DPYSL2: variants seen among roughly 807,000 people sequenced by gnomAD.
The protein encoded by DPYSL2 is dihydropyrimidinase-related protein 2.
In DPYSL2, 13 loss-of-function variants were observed where a neutral mutation model predicts 69.9. That is an observed-to-expected ratio of 0.19 (90% CI 0.12 to 0.30). The LOEUF (loss-of-function observed/expected upper bound fraction) is 0.30, where lower values mean the gene tolerates loss of function less well. Among genes scored for constraint, DPYSL2 ranks in the 10% least tolerant of loss-of-function variants. The pLI, the probability that DPYSL2 is intolerant of heterozygous loss-of-function variation, is 1.00. For missense variants in DPYSL2, 587 were observed against 918.9 expected, an observed-to-expected ratio of 0.64 and a Z score of 4.67; for synonymous variants, 326 against 359.1, an observed-to-expected ratio of 0.91 and a Z score of 1.04.
Position 26,640,436 on chromosome 8 carries a change from TG to T in DPYSL2, c.1127-3001del, listed in dbSNP as rs554372696. ...AGAAGGGCCAATTAAGCCCATTTCG[TG>T]GTTTATTATTATTAGTGGTAATTAT... On this transcript the variant is annotated intron_variant, in intron 8 of 13. Transcript: ENST00000521913. The surrounding 1 kb of genome is among the most constrained non-coding windows in gnomAD (Gnocchi z 4.2). Among the ~76,000 whole-genome samples the T allele has an allele frequency of 4.3e-4, 66 of 152,236 alleles. No homozygotes were observed. Among genetic ancestry groups the T allele is most frequent in the Non-Finnish European group, 2.2e-4 (15 of 68,018 alleles).
chr8:26,550,835 C>T (rs1800863341), intron 1 of DPYSL2, among the ~76,000 whole-genome samples: 1 of 152,138 alleles, frequency 6.6e-6, no homozygotes, highest in South Asian at 2.1e-4. Flanking sequence ...GAACCAAAGG[C>T]CTGAGAGCTG....
chr8:26,531,262 T>G (rs748924198), intron 1 of DPYSL2, among the ~76,000 whole-genome samples: 1 of 151,590 alleles, frequency 6.6e-6, no homozygotes, highest in South Asian at 2.1e-4. Context: ...ACAACGGAGG[T>G]CTGAAGAGAA....
In DPYSL2 at chr8:26,626,872, C is replaced by G. The variant is rs896416539; in HGVS notation, c.855+194C>G. 6.6e-6 allele frequency among the ~76,000 whole-genome samples: 1 copy of G among 152,152 alleles called. No homozygotes were observed. Among genetic ancestry groups the G allele is most frequent in the African/African-American group, 2.4e-5 (1 of 41,436 alleles). On this transcript the variant is annotated intron_variant, in intron 5 of 13. Coordinates refer to ENST00000521913, the MANE Select transcript of DPYSL2 (RefSeq NM_001197293.3). The surrounding 1 kb of genome is among the most constrained non-coding windows in gnomAD (Gnocchi z 4.3). ...TGCCCTGGCCCCCAGCACTGCCACT[C>G]CGCCGCCCTGGATCTGAGGCTCTGC...
intron 1 of DPYSL2, among the ~76,000 whole-genome samples, chr8:26,536,105 CTTTTTT>C (rs111964513): frequency 7.2e-6 from 1 of 139,724 alleles, no homozygotes; most frequent in African/African-American, 2.6e-5. Flanking sequence ...TATCTTTTTC[CTTTTTT>C]TTTTTTTTTC....
chr8:26,545,745 C>A (rs1319634612), intron 1 of DPYSL2, among the ~76,000 whole-genome samples: 2 of 150,910 alleles, frequency 1.3e-5, no homozygotes, highest in Non-Finnish European at 2.9e-5. Context: ...CCAGCCTGAG[C>A]AACAGAGTGA....
At position 26,643,613 on chromosome 8, in the gene DPYSL2, G is replaced by T. The variant is rs748979344; in HGVS notation, c.1283+18G>T. ...CTGTCCTGGTGAGTCCTGGCGACTT[G>T]TTCACACTTCACATTCTGTCTTTCT... On this transcript the variant is annotated intron_variant, in intron 9 of 13. Transcript: ENST00000521913. The surrounding 1 kb of genome is among the most constrained non-coding windows in gnomAD (Gnocchi z 6.5). 1.9e-6 allele frequency: 3 copies of T among 1,614,148 alleles called. No individual in the cohort carries two copies. Among genetic ancestry groups the T allele is most frequent in the Non-Finnish European group, 2.5e-6 (3 of 1,180,026 alleles).
intron 11 of DPYSL2, among the ~76,000 whole-genome samples, chr8:26,651,293 C>A (rs950978107): frequency 2.0e-5 from 3 of 152,216 alleles, no homozygotes; most frequent in Non-Finnish European, 4.4e-5. Flanking sequence ...TTACCAGCCG[C>A]TGCACTAAGC....
rs2129755378 is a variant in DPYSL2, at chr8:26,587,457, C to T, written c.628+3474C>T. Among the ~76,000 whole-genome samples, 1 of 152,344 alleles carries T rather than the reference C, an allele frequency of 6.6e-6. No individual in the cohort carries two copies. The highest frequency in any genetic ancestry group is 2.1e-4 in the South Asian group (1 of 4,818). Reference sequence around the variant, plus strand: ...CTCACGGGTAAATCCTCGCCTGCCTCCCTGCTGGCTCTGCGTTTCCCAGGT... The same window carrying T: ...CTCACGGGTAAATCCTCGCCTGCCTTCCTGCTGGCTCTGCGTTTCCCAGGT... On this transcript the variant is annotated intron_variant, in intron 3 of 13. Coordinates refer to ENST00000521913, the MANE Select transcript of DPYSL2 (RefSeq NM_001197293.3). The surrounding 1 kb of genome is among the most constrained non-coding windows in gnomAD (Gnocchi z 4.2).
rs1803329962 is a variant in DPYSL2 at position 26,653,946 on chromosome 8, T to C, written c.1942+549T>C. Among the ~76,000 whole-genome samples the C allele has an allele frequency of 6.6e-6, 1 of 152,226 alleles. No homozygotes were observed. Among genetic ancestry groups the C allele is most frequent in the South Asian group, 2.1e-4 (1 of 4,828 alleles). On this transcript the variant is annotated intron_variant, in intron 13 of 13. Coordinates refer to ENST00000521913, the MANE Select transcript of DPYSL2 (RefSeq NM_001197293.3). The surrounding 1 kb of genome is among the most constrained non-coding windows in gnomAD (Gnocchi z 5.7). ...TTTGTGTCACACAATGCCCATACTG[T>C]GTTTTACCTAATATATTAAGAAGAC...
intron 3 of DPYSL2, among the ~76,000 whole-genome samples, chr8:26,599,970 G>A (rs1350650949): frequency 6.6e-6 from 1 of 152,058 alleles, no homozygotes; most frequent in Non-Finnish European, 1.5e-5. Context: ...CATTTCTATA[G>A]CGTTGCCTGT....
chr8:26,550,538 G>A (rs1320828218), intron 1 of DPYSL2, among the ~76,000 whole-genome samples: 1 of 150,684 alleles, frequency 6.6e-6, no homozygotes, highest in Non-Finnish European at 1.5e-5. Flanking sequence ...TATATGCTGT[G>A]TACAAGAAAC....
intron 3 of DPYSL2, among the ~76,000 whole-genome samples, chr8:26,612,060 A>G (rs757100709): frequency 6.6e-6 from 1 of 152,230 alleles, no homozygotes; most frequent in Non-Finnish European, 1.5e-5. Context: ...ACTTCTTTGT[A>G]TGGCTAGTTG....
intron 1 of DPYSL2, among the ~76,000 whole-genome samples, chr8:26,519,213 C>T (rs544896619): frequency 8.5e-5 from 13 of 152,342 alleles, no homozygotes; most frequent in African/African-American, 3.1e-4. Context: ...AAGCATCCCT[C>T]TTTACTTTCT....
chr8:26,573,857 A>T (rs1453925741), intron 1 of DPYSL2, among the ~76,000 whole-genome samples: 177 of 138,388 alleles, frequency 1.3e-3, no homozygotes, highest in Non-Finnish European at 2.4e-3. Flanking sequence ...AAAAAAAAAA[A>T]GTGATAGTCC....
rs1452105455 is a variant in DPYSL2 at position 26,617,577 on chromosome 8, G to A, written c.629-6566G>A. ...CAAACTCCAAACGGGTCTTCTCTTT[G>A]AAGTTTTAGGGAGCAGCTTATTTAC... On this transcript the variant is annotated intron_variant, in intron 3 of 13. Coordinates refer to ENST00000521913, the MANE Select transcript of DPYSL2 (RefSeq NM_001197293.3). The surrounding 1 kb of genome is among the most constrained non-coding windows in gnomAD (Gnocchi z 4.7). Among the ~76,000 whole-genome samples, 2 of 152,192 alleles carry A rather than the reference G, an allele frequency of 1.3e-5. No homozygotes were observed. Among genetic ancestry groups the A allele is most frequent in the African/African-American group, 4.8e-5 (2 of 41,432 alleles).
intron 1 of DPYSL2, among the ~76,000 whole-genome samples, chr8:26,540,258 G>A (rs1264553043): frequency 2.2e-5 from 3 of 138,516 alleles, no homozygotes; most frequent in Non-Finnish European, 3.3e-5. Flanking sequence ...CAGTAGACTT[G>A]ATCAAGCATA....
rs576681738 is a variant in DPYSL2 at position 26,586,294 on chromosome 8, C to T, written c.628+2311C>T. On this transcript the variant is annotated intron_variant, in intron 3 of 13. Coordinates refer to ENST00000521913, the MANE Select transcript of DPYSL2 (RefSeq NM_001197293.3). This position sits in a 1 kb window ranked among gnomAD's most constrained non-coding sequence, Gnocchi z 4.7. ...TGTCTCCAGTGAGGGATTTGTGCTA[C>T]ATGACCCTGGAAGTCCTTTCCAGCC... 5.9e-5 allele frequency among the ~76,000 whole-genome samples: 9 copies of T among 152,274 alleles called. No homozygotes were observed. In the East Asian group the frequency reaches 1.5e-3, roughly 26 times the overall value.
chr8:26,566,639 T>C (rs987359929), intron 1 of DPYSL2, among the ~76,000 whole-genome samples: 1 of 151,910 alleles, frequency 6.6e-6, no homozygotes, highest in African/African-American at 2.4e-5. Flanking sequence ...AGAAAGAGAA[T>C]GGAAAAGAAG....
chr8:26,653,463 A>C lies in DPYSL2; in HGVS notation c.1942+66A>C, dbSNP rs1803320566. The C allele has an allele frequency of 2.6e-6, 4 of 1,515,990 alleles. No individual in the cohort carries two copies. The highest frequency in any genetic ancestry group is 2.7e-6 in the Non-Finnish European group (3 of 1,121,350). 93.9% of individuals were successfully genotyped at this position (1,515,990 alleles called of 1,614,324 possible). ...AGCTCGCTGGTGCTGGCGAGGCTAC[A>C]GTTGCATTTGGAAAGGACACAGAAA... is the stretch of plus-strand genomic sequence containing the variant. On this transcript the variant is annotated intron_variant, in intron 13 of 13. Coordinates refer to ENST00000521913, the MANE Select transcript of DPYSL2 (RefSeq NM_001197293.3). The surrounding 1 kb of genome is among the most constrained non-coding windows in gnomAD (Gnocchi z 5.7).
Sources: gnomAD v4.1 joint callset for allele counts (sites outside exome capture counted in the v4.1 genomes callset) on GRCh38, gnomAD v4.1.1 for gene constraint, Gnocchi (gnomAD v3.1) non-coding constraint, MANE v1.5 for transcripts, NCBI Gene and HGNC (gene_info 2026-07-23, HGNC 2026-07-21) for gene names.